Variants in PRKCA observed in about 807,000 individuals in gnomAD.
PRKCA encodes protein kinase C alpha, also known as protein kinase C alpha type.
PRKCA carries 27 observed loss-of-function variants against 87.0 expected under a neutral mutation model. That is an observed-to-expected ratio of 0.31 (90% CI 0.23 to 0.43). The LOEUF is 0.43. Ranked by LOEUF, PRKCA falls within the 20% of genes least tolerant of loss-of-function variation. The pLI is 1.00. For synonymous variants in PRKCA, 329 were observed against 311.1 expected, an observed-to-expected ratio of 1.06 and a Z score of -0.61; for missense variants, 518 against 852.3, an observed-to-expected ratio of 0.61 and a Z score of 4.88.
At chr17:66,361,207 G>A (rs1226087170) in intron 2 of PRKCA, among the ~76,000 whole-genome samples, 1 of 151,956 alleles carries the variant, frequency 6.6e-6, no homozygotes, top group African/African-American at 2.4e-5. Flanking sequence ...CAAACCAAAT[G>A]TCAATAAGTC....
chr17:66,370,935 A>G (rs534625558), intron 2 of PRKCA, among the ~76,000 whole-genome samples: 1 of 152,256 alleles, frequency 6.6e-6, no homozygotes, highest in Non-Finnish European at 1.5e-5. Flanking sequence ...TTATACAGAT[A>G]AGCTAGATGC....
intron 3 of PRKCA, among the ~76,000 whole-genome samples, chr17:66,594,287 G>A (rs536228217): frequency 6.6e-6 from 1 of 152,282 alleles, no homozygotes; most frequent in South Asian, 2.1e-4. Flanking sequence ...AGTGATGACA[G>A]CTCTTCCTGG....
chr17:66,797,738 C>A (rs1975701996), intron 16 of PRKCA, among the ~76,000 whole-genome samples: 1 of 152,220 alleles, frequency 6.6e-6, no homozygotes, highest in African/African-American at 2.4e-5. Flanking sequence ...GCCGACATCG[C>A]CTGGTCTCAG....
chr17:66,613,619 C>T (rs904046287), intron 3 of PRKCA, among the ~76,000 whole-genome samples: 1 of 152,050 alleles, frequency 6.6e-6, no homozygotes, highest in South Asian at 2.1e-4. Flanking sequence ...CTCCCAGCAA[C>T]CCCTGTGTTC....
chr17:66,405,217 C>T (rs1911297693), intron 2 of PRKCA, among the ~76,000 whole-genome samples: 1 of 152,212 alleles, frequency 6.6e-6, no homozygotes, highest in South Asian at 2.1e-4. Flanking sequence ...ACACGTGAGG[C>T]AGGTGTGGGA....
At chr17:66,411,695 AAGGCAGTGGCAC>A (rs1218632456) in intron 2 of PRKCA, among the ~76,000 whole-genome samples, 1 of 152,174 alleles carries the variant, frequency 6.6e-6, no homozygotes, top group East Asian at 1.9e-4. Flanking sequence ...GGTGTGAGTC[AAGGCAGTGGCAC>A]AGCCACTAGC....
intron 2 of PRKCA, among the ~76,000 whole-genome samples, chr17:66,452,369 C>T (rs758742317): frequency 7.9e-5 from 12 of 152,100 alleles, no homozygotes; most frequent in Non-Finnish European, 1.3e-4. Flanking sequence ...GTGGTCCCTT[C>T]GGGAAAGGAT....
intron 5 of PRKCA, among the ~76,000 whole-genome samples, chr17:66,665,563 C>T (rs186776757): frequency 1.3e-5 from 2 of 152,274 alleles, no homozygotes; most frequent in African/African-American, 4.8e-5. Context: ...TAAGCACTCA[C>T]TCCTCCATGC....
chr17:66,348,098 C>T (rs1019709427), intron 2 of PRKCA, among the ~76,000 whole-genome samples: 3 of 151,712 alleles, frequency 2.0e-5, no homozygotes, highest in Non-Finnish European at 4.4e-5. Flanking sequence ...CACGCCACCA[C>T]GCCCGGCTAA....
chr17:66,624,206 G>A (rs1439000642), intron 3 of PRKCA, among the ~76,000 whole-genome samples: 1 of 152,036 alleles, frequency 6.6e-6, no homozygotes, highest in East Asian at 1.9e-4. Flanking sequence ...GCATGGGGAA[G>A]GAAGCCACCG....
intron 3 of PRKCA, among the ~76,000 whole-genome samples, chr17:66,520,786 C>A (rs1967135712): frequency 6.6e-6 from 1 of 152,072 alleles, no homozygotes; most frequent in African/African-American, 2.4e-5. Flanking sequence ...TGATTTCTGA[C>A]TTTTAAAACC....
At chr17:66,361,522 G>A (rs901410167) in intron 2 of PRKCA, among the ~76,000 whole-genome samples, 3 of 151,960 alleles carry the variant, frequency 2.0e-5, no homozygotes, top group Non-Finnish European at 4.4e-5. Flanking sequence ...TATTGGCCAG[G>A]CTGATCTTGA....
chr17:66,420,420 A>G (rs1912422592), intron 2 of PRKCA, among the ~76,000 whole-genome samples: 1 of 152,176 alleles, frequency 6.6e-6, no homozygotes, highest in African/African-American at 2.4e-5. Flanking sequence ...AAGATTTTTC[A>G]ACTTCATGAC....
intron 3 of PRKCA, among the ~76,000 whole-genome samples, chr17:66,607,576 C>T (rs886258724): frequency 4.6e-5 from 7 of 152,188 alleles, no homozygotes; most frequent in Admixed American, 1.3e-4. Flanking sequence ...AAAGAATGTG[C>T]GTCAAACTAA....
chr17:66,608,090 T>TTGAAGCACACCGATTGGAGCACACCGAC (rs1287427163), intron 3 of PRKCA, among the ~76,000 whole-genome samples: 174 of 152,118 alleles, frequency 1.1e-3, no homozygotes, highest in African/African-American at 3.9e-3. Flanking sequence ...TTGGAATACA[T>TTGAAGCACACCGATTGGAGCACACCGAC]TGAAGCACAC....
chr17:66,467,830 T>C (rs979322064), intron 2 of PRKCA, among the ~76,000 whole-genome samples: 75 of 152,028 alleles, frequency 4.9e-4, no homozygotes, highest in African/African-American at 1.8e-3. Context: ...AGTGCTAGGA[T>C]TACAGGTATG....
chr17:66,702,135 C>CAT lies in PRKCA; in HGVS notation c.918+13102_918+13103dup, dbSNP rs147965167. Reference sequence around the variant, plus strand: ...TATCTCATTTATGTGTGTGCATATTCATATATATATATATACACACACACA... The same window carrying CAT: ...TATCTCATTTATGTGTGTGCATATTCATATATATATATATATACACACACACA... On this transcript the variant is annotated intron_variant, in intron 8 of 16. Coordinates refer to ENST00000413366, the MANE Select transcript of PRKCA (RefSeq NM_002737.3). 2.1e-3 allele frequency among the ~76,000 whole-genome samples: 309 copies of CAT among 150,218 alleles called. 1 individual carries two copies. The highest frequency in any genetic ancestry group is 2.7e-3 in the African/African-American group (111 of 41,072).
intron 13 of PRKCA, among the ~76,000 whole-genome samples, chr17:66,751,673 G>T (rs1389078133): frequency 6.6e-6 from 1 of 152,148 alleles, no homozygotes; most frequent in Non-Finnish European, 1.5e-5. Flanking sequence ...GGTCCTATAG[G>T]TGGGTGCTGA....
At chr17:66,720,409 C>T (rs1045308325) in intron 8 of PRKCA, among the ~76,000 whole-genome samples, 6 of 152,156 alleles carry the variant, frequency 3.9e-5, no homozygotes, top group Non-Finnish European at 7.4e-5. Flanking sequence ...CCTGTTGCCC[C>T]GTTACCGAGT....
Sources: gnomAD v4.1 joint callset for allele counts (sites outside exome capture counted in the v4.1 genomes callset) on GRCh38, gnomAD v4.1.1 for gene constraint, MANE v1.5 for transcripts, NCBI Gene and HGNC (gene_info 2026-07-23, HGNC 2026-07-21) for gene names.